KDM6A: variants seen among roughly 807,000 people sequenced by gnomAD.
KDM6A encodes lysine-specific demethylase 6A.
Under a neutral mutation model 117.6 loss-of-function variants are expected in KDM6A, and 11 were observed. The ratio of observed to expected loss-of-function variants is 0.09; its 90% CI spans 0.06 to 0.15. The LOEUF (loss-of-function observed/expected upper bound fraction) is 0.15. Ranked by LOEUF, KDM6A falls within the 10% of genes least tolerant of loss-of-function variation. KDM6A has a pLI of 1.00. For synonymous variants in KDM6A, 384 were observed against 396.1 expected, an observed-to-expected ratio of 0.97 and a Z score of 0.36; for missense variants, 799 against 1,077.3, an observed-to-expected ratio of 0.74 and a Z score of 3.62.
intron 4 of KDM6A, among the ~76,000 whole-genome samples, chrX:44,995,715 G>T (rs12011605): frequency 0.028 from 3,070 of 111,407 alleles, 116 homozygotes; most frequent in African/African-American, 0.096. Flanking sequence ...TGATCCACCT[G>T]CCTCAGTCTC....
intron 2 of KDM6A, among the ~76,000 whole-genome samples, chrX:44,876,991 G>GCATACGTATATACACTCGTATACA (rs2031679801): frequency 1.8e-5 from 2 of 109,626 alleles, no homozygotes; most frequent in Admixed American, 1.9e-4. Flanking sequence ...ACACGTATAC[G>GCATACGTATATACACTCGTATACA]CATACGTATA....
At chrX:45,012,197 A>ATTTTTTTTTTTTTTTTTT (rs760991442) in intron 5 of KDM6A, among the ~76,000 whole-genome samples, 3 of 69,070 alleles carry the variant, frequency 4.3e-5, no homozygotes, top group African/African-American at 1.9e-4. Flanking sequence ...CCCAATGTAG[A>ATTTTTTTTTTTTTTTTTT]TTTTTTTTTT....
At position 44,984,657 on chromosome X, in the gene KDM6A, A is replaced by G. The variant is rs775719051; in HGVS notation, c.384+9942A>G. 3.6e-5 allele frequency among the ~76,000 whole-genome samples: 4 copies of G among 111,782 alleles called. No individual in the cohort carries two copies. In the Admixed American group the frequency reaches 3.8e-4, roughly 11 times the overall value. On this transcript the variant is annotated intron_variant, in intron 4 of 29. Transcript: ENST00000611820. ...CTAGCCAGTTTTCCCAGCACCATTT[A>G]TTAAATAGGGAATCCTTTCCCCGTT...
chrX:45,110,962 A>G (rs935889696), intron 29 of KDM6A, among the ~76,000 whole-genome samples: 1 of 112,265 alleles, frequency 8.9e-6, no homozygotes, highest in Middle Eastern at 4.6e-3. Flanking sequence ...ATGGTCTTCA[A>G]GATTGCTTGA....
chrX:45,097,242 A>T (rs2046147887), intron 27 of KDM6A, among the ~76,000 whole-genome samples: 1 of 110,876 alleles, frequency 9.0e-6, no homozygotes, highest in Non-Finnish European at 1.9e-5. Context: ...GAGGAAAAAT[A>T]ACTAATGGAT....
chrX:44,942,584 A>G (rs943226270), intron 2 of KDM6A, among the ~76,000 whole-genome samples: 1 of 109,643 alleles, frequency 9.1e-6, no homozygotes, highest in Non-Finnish European at 1.9e-5. Flanking sequence ...TGTTTCGGCT[A>G]TTCTAGTTCC....
At chrX:45,009,614 A>G (rs1446855866) in intron 4 of KDM6A, among the ~76,000 whole-genome samples, 3 of 111,628 alleles carry the variant, frequency 2.7e-5, no homozygotes, top group Admixed American at 9.5e-5. Context: ...TTCTGGTTCA[A>G]ATGCCTCTGA....
intron 2 of KDM6A, among the ~76,000 whole-genome samples, chrX:44,896,761 A>C (rs1383403050): frequency 9.1e-6 from 1 of 109,677 alleles, no homozygotes; most frequent in African/African-American, 3.3e-5. Context: ...TAGAATTCAC[A>C]GTGGACAGTT....
chrX:45,096,294 C>CT (rs2046103238), intron 27 of KDM6A, among the ~76,000 whole-genome samples: 1 of 111,253 alleles, frequency 9.0e-6, no homozygotes, highest in African/African-American at 3.3e-5. Flanking sequence ...CAAAATTTAC[C>CT]TTGTGCCTTC....
chrX:45,072,427 T>C (rs1027994568), intron 18 of KDM6A, among the ~76,000 whole-genome samples: 1 of 109,072 alleles, frequency 9.2e-6, no homozygotes, highest in Non-Finnish European at 1.9e-5. Context: ...TATAGGTTTT[T>C]ATATTAGTTT....
At chrX:44,915,220 T>A (rs1341899780) in intron 2 of KDM6A, among the ~76,000 whole-genome samples, 1 of 112,050 alleles carries the variant, frequency 8.9e-6, no homozygotes, top group African/African-American at 3.2e-5. Context: ...GGTCATAAGT[T>A]TATGTTGCTA....
At chrX:44,901,033 A>C (rs1334437283) in intron 2 of KDM6A, among the ~76,000 whole-genome samples, 2 of 111,978 alleles carry the variant, frequency 1.8e-5, no homozygotes, top group Non-Finnish European at 3.8e-5. Context: ...CTGATTTCTA[A>C]TTTCACTACA....
At chrX:45,066,343 C>T (rs77986199) in intron 17 of KDM6A, among the ~76,000 whole-genome samples, 1,155 of 111,841 alleles carry the variant, frequency 0.01, 37 homozygotes, top group Admixed American at 0.075. Flanking sequence ...TTCCATATAC[C>T]GTGGCATAAA....
chrX:44,911,155 G>T (rs1438944931), intron 2 of KDM6A, among the ~76,000 whole-genome samples: 1 of 108,443 alleles, frequency 9.2e-6, no homozygotes, highest in Non-Finnish European at 1.9e-5. Flanking sequence ...GGACGGGGCG[G>T]CTGGCCGGGC....
At chrX:44,919,672 G>A (rs950097427) in intron 2 of KDM6A, among the ~76,000 whole-genome samples, 3 of 91,489 alleles carry the variant, frequency 3.3e-5, no homozygotes, top group African/African-American at 4.6e-5. Context: ...ATGGGGTCCC[G>A]CTCTGTTGCC....
At chrX:45,078,325 AT>A in intron 19 of KDM6A, 74 bp from the exon 20 acceptor site, 1 of 960,569 alleles carries the variant, frequency 1.0e-6, no homozygotes, top group Non-Finnish European at 1.5e-6. Context: ...AAAATAATGA[AT>A]ATTAATTTGG....
At chrX:44,876,816 A>G (rs1000176117) in intron 2 of KDM6A, among the ~76,000 whole-genome samples, 1 of 111,169 alleles carries the variant, frequency 9.0e-6, no homozygotes, top group African/African-American at 3.3e-5. Context: ...GAAAGTTGAA[A>G]GCATTAAATA....
At position 45,101,550 on chromosome X, in the gene KDM6A, T is replaced by A. The variant is rs111824716; in HGVS notation, c.4035-5860T>A. Among the ~76,000 whole-genome samples, 941 of 110,391 alleles carry A rather than the reference T, an allele frequency of 8.5e-3. 11 individuals are homozygous for A. Among genetic ancestry groups the A allele is most frequent in the African/African-American group, 0.03 (907 of 30,345 alleles). ...GAGAGATGCTACTAGCTTTTTTGAG[T>A]AGAGATTAGGAATGCTGCTATTAAA... On this transcript the variant is annotated intron_variant, in intron 27 of 29. Coordinates refer to ENST00000611820, the MANE Select transcript of KDM6A (RefSeq NM_001291415.2).
At chrX:45,040,275 A>AC (rs1439451110) in intron 8 of KDM6A, among the ~76,000 whole-genome samples, 13 of 18,834 alleles carry the variant, frequency 6.9e-4, no homozygotes, top group Middle Eastern at 0.022. Context: ...GGGGGTGCTG[A>AC]CCCCCCCACC....
Sources: allele counts gnomAD v4.1 joint callset (sites outside exome capture counted in the v4.1 genomes callset), GRCh38; gene constraint gnomAD v4.1.1; transcripts MANE v1.5; gene names NCBI Gene and HGNC (gene_info 2026-07-23, HGNC 2026-07-21).